Variants in NFATC1 observed in about 807,000 individuals in gnomAD.
The protein encoded by NFATC1 is nuclear factor of activated T-cells, cytoplasmic 1.
In NFATC1, 22 loss-of-function variants were observed where a neutral mutation model predicts 76.0. The ratio of observed to expected loss-of-function variants is 0.29; its 90% confidence interval spans 0.21 to 0.41. The LOEUF (loss-of-function observed/expected upper bound fraction) is 0.41, where lower values mean the gene tolerates loss of function less well. NFATC1 is among the 10% of genes least tolerant of loss of function. The pLI is 1.00. For synonymous variants in NFATC1, 704 were observed against 613.1 expected, an observed-to-expected ratio of 1.15 and a Z score of -2.19; for missense variants, 1,357 against 1,337.7, an observed-to-expected ratio of 1.01 and a Z score of -0.23.
At chr18:79,503,386 T>C (rs558729685) in intron 9 of NFATC1, among the ~76,000 whole-genome samples, 7 of 152,194 alleles carry the variant, frequency 4.6e-5, no homozygotes, top group Non-Finnish European at 1.0e-4. Context: ...GCACCAGCAA[T>C]GTGTCTAAAA....
chr18:79,415,250 A>G (rs748043113), intron 2 of NFATC1, among the ~76,000 whole-genome samples: 2 of 152,232 alleles, frequency 1.3e-5, no homozygotes, highest in Non-Finnish European at 2.9e-5. Flanking sequence ...TAACTTTAAC[A>G]GCACAATTCT....
At chr18:79,508,027 C>G (rs888961015) in intron 9 of NFATC1, among the ~76,000 whole-genome samples, 1 of 152,270 alleles carries the variant, frequency 6.6e-6, no homozygotes, top group South Asian at 2.1e-4. Flanking sequence ...GTATATCACT[C>G]AGATTTAAGA....
At chr18:79,438,285 T>A (rs142937127) in intron 3 of NFATC1, among the ~76,000 whole-genome samples, 3 of 152,358 alleles carry the variant, frequency 2.0e-5, no homozygotes, top group African/African-American at 7.2e-5. Context: ...GTCCTTGGCC[T>A]GCGTCCTCCA....
chr18:79,472,980 A>G lies in NFATC1; in HGVS notation c.2092+5398A>G, dbSNP rs144241074. Among the ~76,000 whole-genome samples the G allele has an allele frequency of 5.3e-3, 800 of 152,296 alleles. 10 individuals carry two copies. Among genetic ancestry groups the G allele is most frequent in the African/African-American group, 0.018 (739 of 41,562 alleles). ...ACGCAGACGACCCACACTCCATGCCATGTCCTGCACAGGAACCAGGGTGGC... is the reference window on the plus strand; with the variant it reads ...ACGCAGACGACCCACACTCCATGCCGTGTCCTGCACAGGAACCAGGGTGGC... On this transcript the variant is annotated intron_variant, in intron 8 of 9. Coordinates refer to ENST00000427363, the MANE Select transcript of NFATC1 (RefSeq NM_001278669.2).
intron 6 of NFATC1, among the ~76,000 whole-genome samples, chr18:79,459,787 G>A (rs2087961629): frequency 6.6e-6 from 1 of 152,164 alleles, no homozygotes; most frequent in African/African-American, 2.4e-5. Context: ...CAAACAACCA[G>A]AAGACTTAGT....
At chr18:79,514,950 G>GGGAGT (rs919818590) in intron 9 of NFATC1, among the ~76,000 whole-genome samples, 10 of 152,062 alleles carry the variant, frequency 6.6e-5, no homozygotes, top group Non-Finnish European at 1.5e-4. Context: ...AGTCTGAGGA[G>GGGAGT]GGAGTATTGC....
At chr18:79,458,994 C>T (rs749187111) in intron 6 of NFATC1, among the ~76,000 whole-genome samples, 5 of 152,256 alleles carry the variant, frequency 3.3e-5, no homozygotes, top group Non-Finnish European at 7.3e-5. Flanking sequence ...TCACCCTGGT[C>T]GACCTGAAAC....
intron 2 of NFATC1, among the ~76,000 whole-genome samples, chr18:79,433,020 T>C (rs2086653002): frequency 6.6e-6 from 1 of 152,104 alleles, no homozygotes; most frequent in African/African-American, 2.4e-5. Context: ...CTGCGTTTGC[T>C]CCCACCGCCC....
chr18:79,443,215 C>A (rs1035201154), intron 3 of NFATC1, among the ~76,000 whole-genome samples: 9 of 152,210 alleles, frequency 5.9e-5, no homozygotes, highest in Admixed American at 1.3e-4. Flanking sequence ...GGGAAGGATT[C>A]TCAGAATTGA....
At chr18:79,405,293 C>A (rs984098613) in intron 1 of NFATC1, among the ~76,000 whole-genome samples, 6 of 152,378 alleles carry the variant, frequency 3.9e-5, no homozygotes, top group African/African-American at 1.4e-4. Context: ...CCTGCACTGT[C>A]ATTTAGTGAA....
chr18:79,489,271 G>A (rs748061230), intron 9 of NFATC1, among the ~76,000 whole-genome samples: 3 of 152,216 alleles, frequency 2.0e-5, no homozygotes, highest in African/African-American at 4.8e-5. Context: ...CTGACTGTGC[G>A]TGGACATGGA....
Position 79,402,542 on chromosome 18 carries a change from C to G in NFATC1, c.127+6191C>G, listed in dbSNP as rs542962444. On this transcript the variant is annotated intron_variant, in intron 1 of 9. Transcript: ENST00000427363. Reference sequence around the variant, plus strand: ...CCCGCAGAGCTGGGCTGCTGGCTCTCCAGGCGGCTTGTGAAAGCTTTCTGC... The same window carrying G: ...CCCGCAGAGCTGGGCTGCTGGCTCTGCAGGCGGCTTGTGAAAGCTTTCTGC... Among the ~76,000 whole-genome samples the G allele has an allele frequency of 3.9e-5, 6 of 152,342 alleles. No individual in the cohort carries two copies. The East Asian group carries it at 1.2e-3, about 29-fold the overall frequency.
intron 8 of NFATC1, 97 bp from the exon 9 acceptor site, chr18:79,486,151 C>T: frequency 9.3e-7 from 1 of 1,075,230 alleles, no homozygotes; most frequent in Non-Finnish European, 1.4e-6. Flanking sequence ...CCAGTCAGGG[C>T]CCTGTTGGTT....
intron 8 of NFATC1, among the ~76,000 whole-genome samples, chr18:79,478,124 C>T (rs1463047810): frequency 2.2e-5 from 3 of 137,062 alleles, no homozygotes; most frequent in Non-Finnish European, 4.8e-5. Context: ...CAGGCCCCCC[C>T]CCGCCCACCC....
intron 8 of NFATC1, among the ~76,000 whole-genome samples, chr18:79,481,458 C>T (rs1007450129): frequency 1.4e-4 from 21 of 152,234 alleles, no homozygotes; most frequent in African/African-American, 5.1e-4. Context: ...TCCCAATCAA[C>T]ATGAGGGCGC....
intron 3 of NFATC1, among the ~76,000 whole-genome samples, chr18:79,437,225 G>C (rs895988877): frequency 2.0e-5 from 3 of 152,240 alleles, no homozygotes; most frequent in Non-Finnish European, 4.4e-5. Flanking sequence ...TGCGTGTGAG[G>C]GGATAGTGGA....
At chr18:79,427,741 G>C (rs2086426273) in intron 2 of NFATC1, among the ~76,000 whole-genome samples, 1 of 98,452 alleles carries the variant, frequency 1.0e-5, no homozygotes, top group Non-Finnish European at 2.1e-5. Flanking sequence ...TGGCCTCTGT[G>C]CAGTGGGTGG....
At chr18:79,414,183 C>T (rs2085796776) in intron 2 of NFATC1, among the ~76,000 whole-genome samples, 1 of 152,154 alleles carries the variant, frequency 6.6e-6, no homozygotes, top group African/African-American at 2.4e-5. Flanking sequence ...ACTTCCTTCC[C>T]CAGGAATGCC....
chr18:79,399,665 G>A (rs983006205), intron 1 of NFATC1, among the ~76,000 whole-genome samples: 1 of 152,198 alleles, frequency 6.6e-6, no homozygotes, highest in Admixed American at 6.5e-5. Flanking sequence ...GGTGCCCCTA[G>A]AAGGACCGGC....
Sources: allele counts gnomAD v4.1 joint callset (sites outside exome capture counted in the v4.1 genomes callset), GRCh38; gene constraint gnomAD v4.1.1; transcripts MANE v1.5; gene names NCBI Gene and HGNC (gene_info 2026-07-23, HGNC 2026-07-21).